SEC61A2: variants seen among roughly 807,000 people sequenced by gnomAD.
SEC61A2 encodes protein transport protein Sec61 subunit alpha isoform 2.
SEC61A2 carries 28 observed loss-of-function variants against 59.9 expected under a neutral mutation model. The ratio of observed to expected loss-of-function variants is 0.47; its 90% CI spans 0.35 to 0.64. The LOEUF is 0.64. Among genes scored for constraint, SEC61A2 ranks in the 30% least tolerant of loss-of-function variants. SEC61A2 has a pLI of 0.01. For missense variants in SEC61A2, 340 were observed against 585.9 expected (o/e 0.58, Z 4.33); for synonymous variants, 202 against 214.4 (o/e 0.94, Z 0.50).
chr10:12,144,093 T>G (rs1256945437), intron 4 of SEC61A2, among the ~76,000 whole-genome samples: 1 of 152,026 alleles, frequency 6.6e-6, no homozygotes. Flanking sequence ...GTGCTGGGAT[T>G]ACAGGTGTGA....
intron 2 of SEC61A2, among the ~76,000 whole-genome samples, chr10:12,135,200 C>A (rs1055675589): frequency 6.6e-6 from 1 of 151,658 alleles, no homozygotes; most frequent in Non-Finnish European, 1.5e-5. Flanking sequence ...CTAATGCATG[C>A]GGGGCTTAAA....
At chr10:12,136,045 C>A in intron 2 of SEC61A2, 60 bp from the exon 3 acceptor site, 2 of 1,063,034 alleles carry the variant, frequency 1.9e-6, no homozygotes, top group South Asian at 1.3e-5. Flanking sequence ...ACTCTGCTGC[C>A]CCCCAAAAAT....
rs1315148558 is a variant in SEC61A2 at position 12,153,945 on chromosome 10, T to TA, written c.463-1827dup. 11 of 722,782 alleles carry TA rather than the reference T, an allele frequency of 1.5e-5. No homozygotes were observed. The highest frequency in any genetic ancestry group is 3.6e-5 in the African/African-American group (2 of 55,280). 44.8% of individuals were successfully genotyped at this position (722,782 alleles called of 1,614,324 possible). A position where few individuals can be genotyped will look rare whatever the true frequency, so the allele number is the denominator to read the frequency against. On this transcript the variant is annotated intron_variant, in intron 6 of 11. Transcript: ENST00000298428. This position sits in a 1 kb window ranked among gnomAD's most constrained non-coding sequence, Gnocchi z 5.2. ...CATAGCAGGTCTTGACTAAAAATTTTAAAAAACTATTAGAGAATATCAGTG... is the reference window on the plus strand; with the variant it reads ...CATAGCAGGTCTTGACTAAAAATTTTAAAAAAACTATTAGAGAATATCAGTG...
chr10:12,138,462 C>G (rs369367628), intron 3 of SEC61A2, among the ~76,000 whole-genome samples: 15 of 152,006 alleles, frequency 9.9e-5, no homozygotes, highest in African/African-American at 3.6e-4. Flanking sequence ...ATTTGTACAC[C>G]CACATGACTA....
Position 12,129,871 on chromosome 10 carries a change from G to T in SEC61A2, c.7+77G>T. On this transcript the variant is annotated intron_variant, in intron 1 of 11. Transcript: ENST00000298428. This position sits in a 1 kb window ranked among gnomAD's most constrained non-coding sequence, Gnocchi z 5.6. ...CTGGGCTGCGGGCGGTGGGGCTGGCGCTCGCTCGGAGTCGTGGGGGCCAGG... is the reference window on the plus strand; with the variant it reads ...CTGGGCTGCGGGCGGTGGGGCTGGCTCTCGCTCGGAGTCGTGGGGGCCAGG... The T allele has an allele frequency of 1.6e-6, 2 of 1,263,158 alleles. No homozygotes were observed. The highest frequency in any genetic ancestry group is 4.1e-5 in the South Asian group (2 of 48,930). The allele number at this position is 1,263,158 out of a possible 1,614,324, so 78.2% of individuals were successfully genotyped here.
chr10:12,144,964 G>C (rs1411602519), intron 4 of SEC61A2, among the ~76,000 whole-genome samples: 1 of 152,026 alleles, frequency 6.6e-6, no homozygotes, highest in East Asian at 1.9e-4. Flanking sequence ...TGGGAGGATG[G>C]CTTGAGCCTG....
Position 12,153,669 on chromosome 10 carries a change from T to C in SEC61A2, c.463-2109T>C, listed in dbSNP as rs1834332077. 1.8e-5 allele frequency: 28 copies of C among 1,548,172 alleles called. No homozygotes were observed. Among genetic ancestry groups the C allele is most frequent in the South Asian group, 4.8e-5 (4 of 83,130 alleles). On this transcript the variant is annotated intron_variant, in intron 6 of 11. Transcript: ENST00000298428. This position sits in a 1 kb window ranked among gnomAD's most constrained non-coding sequence, Gnocchi z 5.2. ...TGCGTGTTATGGCTAATTCTTCTAATGTTAATATATAAAGAGGGGTGTCAT... is the reference window on the plus strand; with the variant it reads ...TGCGTGTTATGGCTAATTCTTCTAACGTTAATATATAAAGAGGGGTGTCAT...
rs1834407490 is a variant in SEC61A2 at position 12,156,850 on chromosome 10, G to A, written c.617-57G>A. On this transcript the variant is annotated intron_variant, in intron 7 of 11. Coordinates refer to ENST00000298428, the MANE Select transcript of SEC61A2 (RefSeq NM_018144.4). This position sits in a 1 kb window ranked among gnomAD's most constrained non-coding sequence, Gnocchi z 5.2. ...TGGACTTTCACGGTTAGTTGTTTGA[G>A]CTTTGGGACAGCTTTGGACGATGAG... The A allele has an allele frequency of 1.3e-6, 2 of 1,572,288 alleles. No homozygotes were observed. Among genetic ancestry groups the A allele is most frequent in the East Asian group, 4.5e-5 (2 of 44,526 alleles).
chr10:12,134,574 C>T (rs979875267), intron 2 of SEC61A2, among the ~76,000 whole-genome samples: 3 of 152,020 alleles, frequency 2.0e-5, no homozygotes, highest in African/African-American at 7.2e-5. Context: ...AGTAAAGAAA[C>T]TTATATTTAG....
chr10:12,157,027 T>C lies in SEC61A2; in HGVS notation c.737T>C (p.Ile246Thr). The change falls in exon 8 of 12, where the codon ATT becomes ACT. Residue 246 changes from isoleucine to threonine, a missense_variant. Physicochemically the swap from Ile to Thr is moderately conservative, Grantham distance 89 (BLOSUM62 -1). Around this residue, in one of 3 missense-constraint regions of SEC61A2, gnomAD observed 283 missense variants for 483.2 expected, o/e 0.59. Coordinates refer to ENST00000298428, the MANE Select transcript of SEC61A2 (RefSeq NM_018144.4). ...RQNLPNLMNL[I>T]ATVFVFAVVI... ...AACTTACCCAATCTCATGAACCTCA[T>C]TGCTACAGTTTTTGTGTTTGCTGTT... 6.2e-7 allele frequency: 1 copy of C among 1,614,180 alleles called. No homozygotes were observed. The highest frequency in any genetic ancestry group is 8.5e-7 in the Non-Finnish European group (1 of 1,180,006).
At chr10:12,169,605 G>A, downstream of SEC61A2, 1 of 294,240 alleles carries the variant, frequency 3.4e-6, no homozygotes, top group Non-Finnish European at 6.2e-6. The surrounding 1 kb of genome is among the most constrained non-coding windows in gnomAD (Gnocchi z 4.8). Context: ...TCTAACTCTG[G>A]CTTTGAGCTG....
intron 4 of SEC61A2, among the ~76,000 whole-genome samples, chr10:12,146,630 G>A (rs1834143743): frequency 6.6e-6 from 1 of 151,152 alleles, no homozygotes; most frequent in South Asian, 2.1e-4. Flanking sequence ...CCATTCTCCT[G>A]CCTCAGCCTC....
At chr10:12,159,298 C>G (rs1834478537) in intron 9 of SEC61A2, among the ~76,000 whole-genome samples, 1 of 152,118 alleles carries the variant, frequency 6.6e-6, no homozygotes, top group Non-Finnish European at 1.5e-5. Context: ...CTAAAGCCAT[C>G]TAGCCACGCT....
Position 12,156,681 on chromosome 10 carries a change from T to G in SEC61A2, c.617-226T>G, listed in dbSNP as rs1267287873. Among the ~76,000 whole-genome samples, 2 of 152,248 alleles carry G rather than the reference T, an allele frequency of 1.3e-5. No homozygotes were observed. The highest frequency in any genetic ancestry group is 2.9e-5 in the Non-Finnish European group (2 of 68,042). The stretch of plus-strand genomic sequence containing the variant: ...TTACGTTGTATGTTTTCTTCAAGAA[T>G]AGTCTCTTGAGAAAACTTCGGATTT... On this transcript the variant is annotated intron_variant, in intron 7 of 11. Coordinates refer to ENST00000298428, the MANE Select transcript of SEC61A2 (RefSeq NM_018144.4). The surrounding 1 kb of genome is among the most constrained non-coding windows in gnomAD (Gnocchi z 5.2).
rs552238659 is a variant in SEC61A2, at chr10:12,132,795, C to G, written c.8-446C>G. Reference sequence around the variant, plus strand: ...TCCTCTGATACCTGCTTTCTTCTGTCATGCATTGTCTCACGGGTACCACGG... The same window carrying G: ...TCCTCTGATACCTGCTTTCTTCTGTGATGCATTGTCTCACGGGTACCACGG... On this transcript the variant is annotated intron_variant, in intron 1 of 11. Transcript: ENST00000298428. 9.2e-5 allele frequency among the ~76,000 whole-genome samples: 14 copies of G among 152,306 alleles called. No homozygotes were observed. In the South Asian group the frequency reaches 2.3e-3, roughly 25 times the overall value.
At chr10:12,135,120 G>A (rs1833855672) in intron 2 of SEC61A2, among the ~76,000 whole-genome samples, 1 of 151,096 alleles carries the variant, frequency 6.6e-6, no homozygotes, top group East Asian at 1.9e-4. Context: ...CGTGGATACA[G>A]GGAGGGGGAA....
rs748944849 is a variant in SEC61A2, at chr10:12,162,610, G to T, written c.1244+321G>T. Among the ~76,000 whole-genome samples the T allele has an allele frequency of 6.6e-6, 1 of 152,200 alleles. No homozygotes were observed. Among genetic ancestry groups the T allele is most frequent in the Non-Finnish European group, 1.5e-5 (1 of 68,028 alleles). ...GGAACTGTGGCTTATTTGGTCTGGG[G>T]TGAGTTCCAGGCATCAGGGTTTTAT... On this transcript the variant is annotated intron_variant, in intron 11 of 11. Transcript: ENST00000298428. This position sits in a 1 kb window ranked among gnomAD's most constrained non-coding sequence, Gnocchi z 6.1.
rs1421523013 is a variant in SEC61A2 at position 12,161,446 on chromosome 10, C to CA, written c.1167+332dup. 6.6e-6 allele frequency among the ~76,000 whole-genome samples: 1 copy of CA among 151,710 alleles called. No homozygotes were observed. The highest frequency in any genetic ancestry group is 1.5e-5 in the Non-Finnish European group (1 of 67,920). On this transcript the variant is annotated intron_variant, in intron 10 of 11. Coordinates refer to ENST00000298428, the MANE Select transcript of SEC61A2 (RefSeq NM_018144.4). The surrounding 1 kb of genome is among the most constrained non-coding windows in gnomAD (Gnocchi z 5.4). ...TGGGTGACAGAGCGAGATCCTGTCT[C>CA]AAAAAAATAAAAAAGGCCAGGCGCA...
In SEC61A2 at chr10:12,142,530, T is replaced by C. The variant is rs938251438; in HGVS notation, c.142-587T>C. On this transcript the variant is annotated intron_variant, in intron 3 of 11. Coordinates refer to ENST00000298428, the MANE Select transcript of SEC61A2 (RefSeq NM_018144.4). The surrounding 1 kb of genome is among the most constrained non-coding windows in gnomAD (Gnocchi z 5.4). ...AGAGTGACCTTGGCTGTCTTTAGTA[T>C]ATAGAGCTTTGCAAAATCATTCTAC... 8.1e-6 allele frequency: 8 copies of C among 983,228 alleles called. No individual in the cohort carries two copies. Among genetic ancestry groups the C allele is most frequent in the Non-Finnish European group, 9.7e-6 (8 of 827,890 alleles). 60.9% of individuals were successfully genotyped at this position (983,228 alleles called of 1,614,324 possible). A position where few individuals can be genotyped will look rare whatever the true frequency, so the allele number is the denominator to read the frequency against.
Sources: allele counts gnomAD v4.1 joint callset (sites outside exome capture counted in the v4.1 genomes callset), GRCh38; gene constraint gnomAD v4.1.1; regional missense constraint gnomAD v4.1.1; non-coding constraint Gnocchi (gnomAD v3.1); transcripts MANE v1.5; gene names NCBI Gene and HGNC (gene_info 2026-07-23, HGNC 2026-07-21).